Variants in RAP1A observed in about 807,000 individuals in gnomAD.
The protein encoded by RAP1A is ras-related protein Rap-1A.
RAP1A carries 6 observed loss-of-function variants against 26.4 expected under a neutral mutation model. That is an observed-to-expected ratio of 0.23 (90% CI 0.12 to 0.45). RAP1A has a LOEUF of 0.45. RAP1A is among the 20% of genes least tolerant of loss of function. The pLI is 0.99. For missense variants in RAP1A, 121 were observed against 217.2 expected (o/e 0.56, Z 2.78); for synonymous variants, 73 against 79.4 (o/e 0.92, Z 0.43).
intron 1 of RAP1A, among the ~76,000 whole-genome samples, chr1:111,630,918 T>G (rs1659548342): frequency 6.6e-6 from 1 of 152,214 alleles, no homozygotes; most frequent in Non-Finnish European, 1.5e-5. Context: ...CTCATTTAAA[T>G]CTGTAGGGTA....
upstream of RAP1A, among the ~76,000 whole-genome samples, chr1:111,616,292 C>G (rs531729219): frequency 2.6e-4 from 39 of 152,304 alleles, no homozygotes; most frequent in African/African-American, 9.1e-4. Flanking sequence ...CACTCAGTTT[C>G]TCCTGTTTGT....
intron 1 of RAP1A, among the ~76,000 whole-genome samples, chr1:111,566,486 A>G (rs1246710638): frequency 2.0e-4 from 31 of 152,310 alleles, no homozygotes; most frequent in Admixed American, 2.0e-3. Context: ...GAGCTCCTAA[A>G]GGGATGCGGG....
chr1:111,580,190 A>G (rs1658227977), intron 1 of RAP1A, among the ~76,000 whole-genome samples: 1 of 152,238 alleles, frequency 6.6e-6, no homozygotes, highest in African/African-American at 2.4e-5. Flanking sequence ...TATTGCTTTT[A>G]TACCATTCAC....
intron 1 of RAP1A, among the ~76,000 whole-genome samples, chr1:111,637,147 T>C (rs1426332996): frequency 6.6e-6 from 1 of 152,160 alleles, no homozygotes; most frequent in Non-Finnish European, 1.5e-5. Context: ...TAAAAAATGG[T>C]TTGTATTATA....
chr1:111,544,473 T>C (rs1395255317), intron 1 of RAP1A, among the ~76,000 whole-genome samples: 1 of 152,244 alleles, frequency 6.6e-6, no homozygotes, highest in Non-Finnish European at 1.5e-5. Flanking sequence ...CTTTTGTGTC[T>C]AACTTATTTC....
At chr1:111,706,168 A>T (rs2101299473) in intron 6 of RAP1A, among the ~76,000 whole-genome samples, 1 of 152,342 alleles carries the variant, frequency 6.6e-6, no homozygotes, top group Middle Eastern at 3.4e-3. Context: ...AAGAATCTTT[A>T]CTTTTTGGAA....
chr1:111,622,810 A>G (rs1659262483), intron 1 of RAP1A, among the ~76,000 whole-genome samples: 1 of 152,178 alleles, frequency 6.6e-6, no homozygotes, highest in Non-Finnish European at 1.5e-5. Context: ...GGATACAGAG[A>G]TGAATTAGAC....
intron 1 of RAP1A, among the ~76,000 whole-genome samples, chr1:111,569,363 C>T (rs1657990350): frequency 6.9e-6 from 1 of 145,370 alleles, no homozygotes; most frequent in South Asian, 2.2e-4. Context: ...CGCACCATTG[C>T]ACTCCAGACA....
chr1:111,598,552 C>T (rs561178059), intron 1 of RAP1A, among the ~76,000 whole-genome samples: 100 of 152,254 alleles, frequency 6.6e-4, no homozygotes, highest in African/African-American at 2.4e-3. Context: ...CATCCCAAGC[C>T]TACATTGAGC....
At chr1:111,648,459 C>T (rs1660147763) in intron 1 of RAP1A, 2 of 549,326 alleles carry the variant, frequency 3.6e-6, no homozygotes, top group Admixed American at 2.4e-5. Flanking sequence ...ATCTCAGCCT[C>T]TAGTTTGACC....
chr1:111,679,390 A>G (rs1485464142), intron 1 of RAP1A, among the ~76,000 whole-genome samples: 2 of 152,024 alleles, frequency 1.3e-5, no homozygotes, highest in African/African-American at 4.8e-5. Context: ...AGTTTTTGCA[A>G]CCCGCAGACC....
intron 1 of RAP1A, among the ~76,000 whole-genome samples, chr1:111,571,117 T>G (rs902640703): frequency 2.0e-5 from 3 of 152,186 alleles, no homozygotes; most frequent in African/African-American, 4.8e-5. Context: ...CCCCTCAGGT[T>G]TAATCACTGG....
intron 1 of RAP1A, among the ~76,000 whole-genome samples, chr1:111,628,059 T>A (rs948720758): frequency 6.6e-6 from 1 of 152,108 alleles, no homozygotes; most frequent in Non-Finnish European, 1.5e-5. Context: ...ATGTGTATGA[T>A]TTGATTTTTC....
chr1:111,608,913 A>G (rs1309076051), intron 1 of RAP1A, among the ~76,000 whole-genome samples: 2 of 152,228 alleles, frequency 1.3e-5, no homozygotes, highest in Non-Finnish European at 2.9e-5. Flanking sequence ...ATTCATTTTC[A>G]TATCAATGTC....
intron 1 of RAP1A, among the ~76,000 whole-genome samples, chr1:111,652,429 A>C (rs1279158399): frequency 6.6e-6 from 1 of 152,206 alleles, no homozygotes; most frequent in African/African-American, 2.4e-5. Context: ...CTTTGGTCCA[A>C]GACCTGTTTT....
Position 111,704,475 on chromosome 1 carries a change from A to C in RAP1A, c.457A>C (p.Asn153His), listed in dbSNP as rs772869735. Reference protein sequence around the residue: ...FLESSAKSKINVNEIFYDLVR... With the variant: ...FLESSAKSKIHVNEIFYDLVR... ...AGAATCTTCTGCAAAGTCAAAGATC[A>C]ATGTTAATGAGGTAACCTACAACTG... The change falls in exon 6 of 8, where the codon AAT becomes CAT. Residue 153 changes from asparagine (N) to histidine (H), a missense_variant. By Grantham distance (68) the Asn-to-His change is moderately conservative. Coordinates refer to ENST00000369709, the MANE Select transcript of RAP1A (RefSeq NM_002884.4). 4.3e-6 allele frequency: 7 copies of C among 1,612,782 alleles called. No individual in the cohort carries two copies. The highest frequency in any genetic ancestry group is 5.9e-6 in the Non-Finnish European group (7 of 1,179,270).
chr1:111,708,002 C>G (rs920079046), intron 6 of RAP1A, among the ~76,000 whole-genome samples: 2 of 152,116 alleles, frequency 1.3e-5, no homozygotes, highest in Admixed American at 6.6e-5. Context: ...TTGCAAAACC[C>G]TTGTCTGTAC....
chr1:111,670,325 T>G (rs558957542), intron 1 of RAP1A, among the ~76,000 whole-genome samples: 1 of 151,548 alleles, frequency 6.6e-6, no homozygotes, highest in Non-Finnish European at 1.5e-5. Flanking sequence ...TACAAAAAAA[T>G]TAGCCGGACG....
chr1:111,702,568 CT>C (rs761741419), intron 4 of RAP1A, among the ~76,000 whole-genome samples: 457 of 143,462 alleles, frequency 3.2e-3, no homozygotes, highest in Non-Finnish European at 4.4e-3. Context: ...TGAACAAGCT[CT>C]TTTTTTTTTT....
Sources: allele counts gnomAD v4.1 joint callset (sites outside exome capture counted in the v4.1 genomes callset), GRCh38; gene constraint gnomAD v4.1.1; transcripts MANE v1.5; gene names NCBI Gene and HGNC (gene_info 2026-07-23, HGNC 2026-07-21).